H3C6: variants seen among roughly 807,000 people sequenced by gnomAD.
H3C6 encodes H3 clustered histone 6.
H3C6 carries 17 observed loss-of-function variants against 8.0 expected under a neutral mutation model. The ratio of observed to expected loss-of-function variants is 2.13; its 90% confidence interval spans 1.46 to 3.19. H3C6 has a LOEUF of 3.19. Among genes scored for constraint, H3C6 ranks in the 30% most tolerant of loss-of-function variants. The probability of loss-of-function intolerance (pLI) is 0.00; values close to 1 mark genes in which losing one functional copy is unlikely to be tolerated. For synonymous variants in H3C6, 169 were observed against 78.0 expected (o/e 2.17, Z -6.15); for missense variants, 298 against 193.8 (o/e 1.54, Z -3.19).
chr6:26,226,733 G>C (rs1235387164), downstream of H3C6: 1 of 152,132 alleles, frequency 6.6e-6, no homozygotes, highest in African/African-American at 2.4e-5. Context: ...CTTCGAAACT[G>C]GTAGGTGAAG....
In H3C6 at chr6:26,225,202, A is replaced by C. The variant is rs1484714543; in HGVS notation, c.48A>C (p.Ala16=). 4 of 1,600,906 alleles carry C rather than the reference A, an allele frequency of 2.5e-6. No individual in the cohort carries two copies. The South Asian group carries it at 3.4e-5, about 13-fold the overall frequency. The part of the protein sequence containing the change: ...QTARKSTGGK[A]PRKQLATKAA... ...CTCGTAAATCCACAGGCGGTAAAGC[A>C]CCGCGCAAACAGCTGGCCACTAAGG... The change falls in exon 1 of 1, where the codon GCA becomes GCC. Residue 16 remains alanine, a synonymous_variant. Coordinates refer to ENST00000614911, the MANE Select transcript of H3C6 (RefSeq NM_003532.3).
downstream of H3C6, chr6:26,225,788 T>C (rs1256590908): frequency 3.9e-6 from 2 of 515,230 alleles, no homozygotes; most frequent in African/African-American, 1.9e-5. Context: ...CCCTACGCTG[T>C]TCTCCATTGG....
chr6:26,225,627 G>A, downstream of H3C6: 1 of 1,546,504 alleles, frequency 6.5e-7, no homozygotes, highest in South Asian at 1.2e-5. Flanking sequence ...CTTTGTCCGT[G>A]AAAAGGGCTG....
At chr6:26,226,563 CTGA>C (rs926842377), downstream of H3C6, 4 of 152,030 alleles carry the variant, frequency 2.6e-5, no homozygotes, top group African/African-American at 4.8e-5. Context: ...GGCCTTCCGG[CTGA>C]TATCTTAAAA....
chr6:26,224,969 T>G (rs1204928428), upstream of H3C6: 5 of 603,906 alleles, frequency 8.3e-6, no homozygotes, highest in African/African-American at 1.9e-5. Flanking sequence ...GAGCCAGTTC[T>G]CTATCCAAAT....
chr6:26,225,696 T>TGATCCA (rs1470997179), downstream of H3C6: 4 of 1,146,508 alleles, frequency 3.5e-6, no homozygotes, highest in African/African-American at 6.2e-5. Context: ...ACATTTGAAA[T>TGATCCA]AGTGGCATTC....
upstream of H3C6, among the ~76,000 whole-genome samples, chr6:26,224,597 A>G (rs1313692776): frequency 6.6e-6 from 1 of 152,224 alleles, no homozygotes; most frequent in African/African-American, 2.4e-5. Context: ...GGATATTAGA[A>G]TTTTACTATA....
chr6:26,226,843 A>G (rs1257375678), downstream of H3C6: 1 of 152,236 alleles, frequency 6.6e-6, no homozygotes, highest in Non-Finnish European at 1.5e-5. Flanking sequence ...GCTATTTGGA[A>G]GAATTTTGTT....
At chr6:26,226,517 G>C (rs1759566810), downstream of H3C6, 1 of 152,158 alleles carries the variant, frequency 6.6e-6, no homozygotes, top group Non-Finnish European at 1.5e-5. Flanking sequence ...TCAGCCTTCC[G>C]AGTAGCTGGG....
In H3C6 at chr6:26,225,564, G is replaced by T; in HGVS notation, c.410G>T (p.Ter137LeuextTer?). ...LARRIRGERA* is the reference protein window; with the variant it reads ...LARRIRGERAL ...CGCCGCATTCGTGGGGAGAGGGCGT[G>T]AATTGTTTTGAGTACAAACCTTAAA... The change falls in exon 1 of 1, where the codon TGA becomes TTA. Residue 137 changes from the stop codon to leucine (L), a stop_lost. Coordinates refer to ENST00000614911, the MANE Select transcript of H3C6 (RefSeq NM_003532.3). The T allele has an allele frequency of 6.2e-7, 1 of 1,611,718 alleles. No individual in the cohort carries two copies. The highest frequency in any genetic ancestry group is 8.5e-7 in the Non-Finnish European group (1 of 1,178,770).
downstream of H3C6, chr6:26,225,908 G>T: frequency 5.2e-6 from 1 of 192,214 alleles, no homozygotes; most frequent in Non-Finnish European, 1.1e-5. Context: ...CCATCCTCTT[G>T]TTTTCTGGCT....
chr6:26,225,122 A>C (rs368598375), upstream of H3C6: 7 of 1,522,996 alleles, frequency 4.6e-6, no homozygotes, highest in African/African-American at 1.4e-5. Context: ...GGGCAAACCA[A>C]TCTTCCTAAC....
downstream of H3C6, chr6:26,226,383 T>C (rs949370292): frequency 1.1e-4 from 13 of 122,298 alleles, no homozygotes; most frequent in African/African-American, 4.2e-4. Flanking sequence ...TTTATTTATT[T>C]ATTTATTTAT....
chr6:26,225,625 G>C, downstream of H3C6: 5 of 1,549,490 alleles, frequency 3.2e-6, no homozygotes, highest in Non-Finnish European at 3.5e-6. Context: ...CACTTTGTCC[G>C]TGAAAAGGGC....
chr6:26,225,084 A>T, upstream of H3C6: 1 of 1,472,568 alleles, frequency 6.8e-7, no homozygotes. Flanking sequence ...CCACAATCCA[A>T]TCAGAGTGAT....
chr6:26,226,396 A>C (rs926876769), downstream of H3C6: 2 of 125,222 alleles, frequency 1.6e-5, no homozygotes, highest in African/African-American at 6.8e-5. Context: ...TTATTTATTT[A>C]TTTATTTATT....
rs148866806 is a variant in H3C6 at position 26,225,289 on chromosome 6, C to G, written c.135C>G (p.Gly45=). The G allele has an allele frequency of 1.2e-6, 2 of 1,614,224 alleles. No individual in the cohort carries two copies. The highest frequency in any genetic ancestry group is 1.7e-5 in the Admixed American group (1 of 60,030). ...GVKKPHRYRP[G]TVALREIRRY... ...AGAAGCCCCATCGCTACCGCCCTGGCACCGTGGCTCTGCGCGAGATCCGTC... is the reference window on the plus strand; with the variant it reads ...AGAAGCCCCATCGCTACCGCCCTGGGACCGTGGCTCTGCGCGAGATCCGTC... Residue 45 remains glycine (G), a synonymous_variant, in exon 1 of 1, where the codon GGC becomes GGG. Transcript: ENST00000614911.
Position 26,225,175 on chromosome 6 carries a change from G to C in H3C6, c.21G>C (p.Thr7=). The C allele has an allele frequency of 6.4e-7, 1 of 1,574,692 alleles. No homozygotes were observed. Among genetic ancestry groups the C allele is most frequent in the Non-Finnish European group, 8.6e-7 (1 of 1,162,220 alleles). The change falls in exon 1 of 1, where the codon ACG becomes ACC. Residue 7 remains threonine (T), a synonymous_variant. Transcript: ENST00000614911. The part of the protein sequence containing the change: MARTKQ[T]ARKSTGGKAP... Reference sequence around the variant, plus strand: ...GAACTATGGCGCGTACTAAGCAGACGGCTCGTAAATCCACAGGCGGTAAAG... The same window carrying C: ...GAACTATGGCGCGTACTAAGCAGACCGCTCGTAAATCCACAGGCGGTAAAG...
chr6:26,225,172 G>T lies in H3C6; in HGVS notation c.18G>T (p.Gln6His). Residue 6 changes from glutamine to histidine, a missense_variant, in exon 1 of 1, where the codon CAG becomes CAT. By Grantham distance (24) the Gln-to-His change is conservative. Coordinates refer to ENST00000614911, the MANE Select transcript of H3C6 (RefSeq NM_003532.3). ...GATGAACTATGGCGCGTACTAAGCA[G>T]ACGGCTCGTAAATCCACAGGCGGTA... MARTK[Q>H]TARKSTGGKA... The T allele has an allele frequency of 6.4e-7, 1 of 1,573,772 alleles. No homozygotes were observed. The highest frequency in any genetic ancestry group is 8.6e-7 in the Non-Finnish European group (1 of 1,161,794).
Sources: allele counts gnomAD v4.1 joint callset (sites outside exome capture counted in the v4.1 genomes callset), GRCh38; gene constraint gnomAD v4.1.1; transcripts MANE v1.5; gene names NCBI Gene and HGNC (gene_info 2026-07-23, HGNC 2026-07-21).